The following RIMS1 variants were observed in gnomAD, a reference collection of about 807,000 sequenced individuals.
The protein encoded by RIMS1 is regulating synaptic membrane exocytosis 1.
RIMS1 carries 83 observed loss-of-function variants against 214.1 expected under a neutral mutation model. That is an observed-to-expected ratio of 0.39 (90% CI 0.32 to 0.47). The LOEUF (loss-of-function observed/expected upper bound fraction) is 0.47. RIMS1 is among the 20% of genes least tolerant of loss of function. The pLI is 0.99. For synonymous variants in RIMS1, 793 were observed against 786.8 expected (o/e 1.01, Z -0.13); for missense variants, 2,050 against 2,161.8 (o/e 0.95, Z 1.03).
At chr6:71,912,993 C>G (rs755933224) in intron 1 of RIMS1, among the ~76,000 whole-genome samples, 34 of 152,032 alleles carry the variant, frequency 2.2e-4, no homozygotes, top group Non-Finnish European at 3.8e-4. Context: ...GTTCTGAAAA[C>G]AATTGAATCT....
intron 4 of RIMS1, among the ~76,000 whole-genome samples, chr6:72,136,619 T>C (rs2041320880): frequency 6.6e-6 from 1 of 152,096 alleles, no homozygotes; most frequent in Admixed American, 6.6e-5. Flanking sequence ...AAAGTTTACC[T>C]TTTACATTCT....
intron 2 of RIMS1, among the ~76,000 whole-genome samples, chr6:71,991,990 G>T (rs1327930858): frequency 2.6e-5 from 4 of 152,080 alleles, no homozygotes; most frequent in Non-Finnish European, 4.4e-5. Flanking sequence ...ACTTTAACGG[G>T]GAGGCAAAGG....
At chr6:72,363,438 C>T (rs993017618) in intron 29 of RIMS1, among the ~76,000 whole-genome samples, 3 of 151,946 alleles carry the variant, frequency 2.0e-5, no homozygotes, top group African/African-American at 4.8e-5. Context: ...TAATTTGATT[C>T]GCAGATTTAA....
intron 2 of RIMS1, among the ~76,000 whole-genome samples, chr6:72,017,102 G>A (rs1332817751): frequency 1.3e-5 from 2 of 152,106 alleles, no homozygotes; most frequent in African/African-American, 4.8e-5. Context: ...GATGGCCCGT[G>A]GTATAGACAT....
rs748161195 is a variant in RIMS1 at position 72,292,003 on chromosome 6, A to G, written c.3807A>G (p.Arg1269=). ...CATCGTTCAGCAGTCGCAGGGGAAGACAGCTCCCACAAGTGCCAGTGAGAA... is the reference window on the plus strand; with the variant it reads ...CATCGTTCAGCAGTCGCAGGGGAAGGCAGCTCCCACAAGTGCCAGTGAGAA... ...ADTSFSSRRG[R]QLPQVPVRSG... is the part of the protein sequence containing the mutation. The change falls in exon 26 of 34, where the codon AGA becomes AGG. Residue 1269 remains arginine, a synonymous_variant. Coordinates refer to ENST00000521978, the MANE Select transcript of RIMS1 (RefSeq NM_014989.7). 4.5e-5 allele frequency: 70 copies of G among 1,561,954 alleles called. No homozygotes were observed. Among genetic ancestry groups the G allele is most frequent in the Middle Eastern group, 1.7e-4 (1 of 6,026 alleles).
intron 13 of RIMS1, 32 bp from the exon 14 acceptor site, chr6:72,250,889 T>C: frequency 1.5e-6 from 2 of 1,340,692 alleles, no homozygotes; most frequent in Non-Finnish European, 2.0e-6. Context: ...ATGTACTTGC[T>C]TTTTCATTTA....
At chr6:71,899,939 T>C (rs1033061303) in intron 1 of RIMS1, among the ~76,000 whole-genome samples, 1 of 152,182 alleles carries the variant, frequency 6.6e-6, no homozygotes, top group Non-Finnish European at 1.5e-5. Flanking sequence ...ACTCATGATA[T>C]GCTAGGTGTG....
At position 72,096,960 on chromosome 6, in the gene RIMS1, A is replaced by T; in HGVS notation, c.257A>T (p.Gln86Leu). The T allele has an allele frequency of 6.2e-7, 1 of 1,613,304 alleles. No individual in the cohort carries two copies. The highest frequency in any genetic ancestry group is 8.5e-7 in the Non-Finnish European group (1 of 1,179,522). ...QPHQPSPRLH[Q>L]QFESYKEQVR... ...TCTCTTTTGCCTAGGAGATTGCATCAACAGTTTGAAAGCTATAAGGAACAA... is the reference window on the plus strand; with the variant it reads ...TCTCTTTTGCCTAGGAGATTGCATCTACAGTTTGAAAGCTATAAGGAACAA... Residue 86 changes from glutamine to leucine, a missense_variant, in exon 3 of 34, where the codon CAA (glutamine) becomes CTA (leucine). By Grantham distance (113) the Gln-to-Leu change is moderately radical (BLOSUM62 -2). Around this residue, in one of 6 missense-constraint regions of RIMS1, gnomAD observed 882 missense variants for 828.9 expected, o/e 1.06. Coordinates refer to ENST00000521978, the MANE Select transcript of RIMS1 (RefSeq NM_014989.7).
chr6:72,371,969 G>T (rs2098234474), intron 29 of RIMS1, among the ~76,000 whole-genome samples: 1 of 152,194 alleles, frequency 6.6e-6, no homozygotes, highest in South Asian at 2.1e-4. Flanking sequence ...CTGGGTTGCA[G>T]TCTAACCAGG....
intron 7 of RIMS1, among the ~76,000 whole-genome samples, chr6:72,235,232 C>G (rs2063543080): frequency 1.3e-5 from 2 of 151,946 alleles, no homozygotes; most frequent in African/African-American, 4.8e-5. Context: ...CTCCTTCTAG[C>G]TTTTGGAAAC....
chr6:72,074,148 G>T (rs1010425036), intron 2 of RIMS1, among the ~76,000 whole-genome samples: 1 of 152,086 alleles, frequency 6.6e-6, no homozygotes, highest in African/African-American at 2.4e-5. Context: ...CACATTCTCT[G>T]ACCCACTCTC....
chr6:72,263,490 G>A lies in RIMS1; in HGVS notation c.3117-1485G>A, dbSNP rs73536140. The A allele has an allele frequency of 2.6e-3, 2,544 of 983,690 alleles. 45 individuals are homozygous for A. In the African/African-American group the frequency reaches 0.04, roughly 15 times the overall value. The allele number at this position is 983,690 out of a possible 1,614,324, so 60.9% of individuals were successfully genotyped here. ...AGTGGCAAAGCCAAGGCAGGAACTT[G>A]AACATTCAGACTATAAATTTTGTGC... On this transcript the variant is annotated intron_variant, in intron 19 of 33. Coordinates refer to ENST00000521978, the MANE Select transcript of RIMS1 (RefSeq NM_014989.7).
At chr6:72,266,176 T>G in intron 22 of RIMS1, 127 bp downstream of exon 22, 1 of 729,976 alleles carries the variant, frequency 1.4e-6, no homozygotes, top group Non-Finnish European at 2.4e-6. Context: ...CTGTCTACAT[T>G]TCCCCTTCCC....
chr6:72,011,579 A>T (rs535658232), intron 2 of RIMS1, among the ~76,000 whole-genome samples: 1 of 152,336 alleles, frequency 6.6e-6, no homozygotes, highest in South Asian at 2.1e-4. Context: ...CAATCTACTC[A>T]TCTGACAAAG....
chr6:72,289,421 C>A (rs2092967269), intron 24 of RIMS1, among the ~76,000 whole-genome samples: 1 of 152,032 alleles, frequency 6.6e-6, no homozygotes, highest in South Asian at 2.1e-4. Flanking sequence ...TATATAGAAC[C>A]CTATGAGTTA....
chr6:72,133,230 C>CT (rs55723782), intron 4 of RIMS1, among the ~76,000 whole-genome samples: 225 of 144,214 alleles, frequency 1.6e-3, no homozygotes, highest in Middle Eastern at 7.2e-3. Context: ...TCTTTTCTCT[C>CT]TTTTTTTTTT....
At chr6:72,196,377 G>A (rs113392456) in intron 6 of RIMS1, among the ~76,000 whole-genome samples, 3,616 of 143,974 alleles carry the variant, frequency 0.025, 50 homozygotes, top group East Asian at 0.045. Context: ...CTGTCTGTCT[G>A]TCTATCTATC....
At chr6:72,272,972 A>T (rs537960150) in intron 22 of RIMS1, among the ~76,000 whole-genome samples, 8 of 152,298 alleles carry the variant, frequency 5.3e-5, no homozygotes, top group Non-Finnish European at 1.2e-4. Flanking sequence ...AAGTTAATGC[A>T]AAATGTTATT....
chr6:72,026,756 C>T (rs1816640305), intron 2 of RIMS1, among the ~76,000 whole-genome samples: 2 of 152,100 alleles, frequency 1.3e-5, no homozygotes, highest in African/African-American at 4.8e-5. Flanking sequence ...ATTTTGTTTT[C>T]ACTATGTAGT....
Sources: gnomAD v4.1 joint callset for allele counts (sites outside exome capture counted in the v4.1 genomes callset) on GRCh38, gnomAD v4.1.1 for gene constraint, gnomAD v4.1.1 regional missense constraint, MANE v1.5 for transcripts, NCBI Gene and HGNC (gene_info 2026-07-23, HGNC 2026-07-21) for gene names.